The following TTC29 variants were observed in gnomAD, a reference collection of about 807,000 sequenced individuals.
The protein encoded by TTC29 is tetratricopeptide repeat domain 29.
In TTC29, 49 loss-of-function variants were observed where a neutral mutation model predicts 58.1. The observed-to-expected ratio is 0.84, with a 90% CI of 0.67 to 1.07. TTC29 has a LOEUF of 1.07. Among genes scored for constraint, TTC29 ranks in the 50% least tolerant of loss-of-function variants. TTC29 has a pLI of 0.00. For synonymous variants in TTC29, 209 were observed against 196.8 expected (o/e 1.06, Z -0.52); for missense variants, 582 against 555.6 (o/e 1.05, Z -0.48).
chr4:146,877,618 A>G (rs979959037), intron 6 of TTC29, among the ~76,000 whole-genome samples: 1 of 152,174 alleles, frequency 6.6e-6, no homozygotes, highest in Non-Finnish European at 1.5e-5. Context: ...TCTGTTAACT[A>G]TATTTCTGCC....
intron 11 of TTC29, among the ~76,000 whole-genome samples, chr4:146,723,003 T>A (rs1254367924): frequency 6.6e-6 from 1 of 152,016 alleles, no homozygotes; most frequent in East Asian, 1.9e-4. Flanking sequence ...TGGCCTGAAT[T>A]AAAGATTTAA....
At chr4:146,939,689 CA>C (rs1454529276) in intron 3 of TTC29, 114 bp downstream of exon 3, 1 of 936,674 alleles carries the variant, frequency 1.1e-6, no homozygotes, top group East Asian at 2.7e-5. Flanking sequence ...CTCAATATAA[CA>C]AGGCATTTTT....
intron 11 of TTC29, among the ~76,000 whole-genome samples, chr4:146,777,667 T>C (rs1748211988): frequency 6.6e-6 from 1 of 152,206 alleles, no homozygotes; most frequent in Non-Finnish European, 1.5e-5. Flanking sequence ...GCACTATAAC[T>C]TAAGTATATG....
chr4:146,859,966 A>G (rs1730121424), intron 8 of TTC29, among the ~76,000 whole-genome samples: 1 of 152,102 alleles, frequency 6.6e-6, no homozygotes, highest in Non-Finnish European at 1.5e-5. Context: ...TGAGCCATGG[A>G]GAACTCTGAG....
At chr4:146,812,718 AAATT>A (rs1262812056) in intron 10 of TTC29, 1 of 152,202 alleles carries the variant, frequency 6.6e-6, no homozygotes, top group African/African-American at 2.4e-5. Context: ...AAGAAATAAA[AAATT>A]AATTATTTTA....
At chr4:146,912,089 A>G (rs182609141) in intron 4 of TTC29, among the ~76,000 whole-genome samples, 1,720 of 151,492 alleles carry the variant, frequency 0.011, 25 homozygotes, top group Non-Finnish European at 0.017. Context: ...ACTAACACTA[A>G]CAATAGCTGA....
At chr4:146,777,227 C>T (rs1391845377) in intron 11 of TTC29, among the ~76,000 whole-genome samples, 2 of 152,130 alleles carry the variant, frequency 1.3e-5, no homozygotes, top group Non-Finnish European at 2.9e-5. Flanking sequence ...ACCGCAATTG[C>T]TTTTGCACCA....
chr4:146,821,958 A>G (rs1309935194), intron 9 of TTC29, among the ~76,000 whole-genome samples: 3 of 145,888 alleles, frequency 2.1e-5, no homozygotes, highest in Non-Finnish European at 4.5e-5. Context: ...ACATTCACTC[A>G]CCTATCCTCG....
intron 11 of TTC29, among the ~76,000 whole-genome samples, chr4:146,722,613 T>C (rs1477118199): frequency 3.3e-5 from 5 of 152,140 alleles, no homozygotes; most frequent in Non-Finnish European, 7.3e-5. Flanking sequence ...AATAGCTGGC[T>C]AGCCATATGC....
chr4:146,907,314 C>A (rs1052342270), intron 5 of TTC29, among the ~76,000 whole-genome samples: 43 of 152,076 alleles, frequency 2.8e-4, no homozygotes, highest in African/African-American at 8.0e-4. Context: ...CACCTTATGA[C>A]AAGTGACATA....
intron 6 of TTC29, among the ~76,000 whole-genome samples, chr4:146,881,014 T>G (rs778605777): frequency 1.3e-4 from 20 of 152,064 alleles, no homozygotes; most frequent in Non-Finnish European, 2.2e-4. Flanking sequence ...AAATCTAAAG[T>G]TTGCAACGCA....
chr4:146,853,819 C>A (rs1233855959), intron 8 of TTC29, among the ~76,000 whole-genome samples: 4 of 152,132 alleles, frequency 2.6e-5, no homozygotes, highest in African/African-American at 9.7e-5. Context: ...CTATTTTTCA[C>A]ATACAGAAAA....
chr4:146,866,514 A>G (rs1730573892), intron 8 of TTC29, among the ~76,000 whole-genome samples: 1 of 152,074 alleles, frequency 6.6e-6, no homozygotes, highest in African/African-American at 2.4e-5. Context: ...TCCTACTTTG[A>G]ATTGTGGTTA....
intron 6 of TTC29, 128 bp downstream of exon 6, chr4:146,903,416 A>G (rs1050512049): frequency 2.6e-6 from 2 of 783,404 alleles, no homozygotes; most frequent in African/African-American, 3.7e-5. Flanking sequence ...TTGCTTTTTG[A>G]TCTCAATAAT....
intron 4 of TTC29, among the ~76,000 whole-genome samples, chr4:146,935,329 A>G (rs1401512658): frequency 6.6e-6 from 1 of 152,206 alleles, no homozygotes; most frequent in African/African-American, 2.4e-5. Flanking sequence ...AAGCCAGTGT[A>G]CATCAATTGT....
intron 11 of TTC29, among the ~76,000 whole-genome samples, chr4:146,802,752 C>T (rs569492450): frequency 3.9e-5 from 6 of 152,218 alleles, no homozygotes; most frequent in African/African-American, 1.4e-4. Flanking sequence ...GTTTGATTTG[C>T]ACACAAATAA....
intron 11 of TTC29, among the ~76,000 whole-genome samples, chr4:146,733,143 C>A (rs914419438): frequency 1.3e-5 from 2 of 151,948 alleles, no homozygotes; most frequent in Non-Finnish European, 2.9e-5. Context: ...ATGTGGAGAA[C>A]CTTATGCATA....
chr4:146,819,527 C>T (rs531806836), intron 10 of TTC29, among the ~76,000 whole-genome samples: 5 of 152,164 alleles, frequency 3.3e-5, no homozygotes, highest in South Asian at 2.1e-4. Flanking sequence ...GGAGAAAATA[C>T]GACAAAAGTC....
At chr4:146,752,862 A>G (rs1002401672) in intron 11 of TTC29, among the ~76,000 whole-genome samples, 1 of 152,222 alleles carries the variant, frequency 6.6e-6, no homozygotes, top group Non-Finnish European at 1.5e-5. Flanking sequence ...TAGAAAGCCA[A>G]AACTGGATCC....
Sources: allele counts gnomAD v4.1 joint callset (sites outside exome capture counted in the v4.1 genomes callset), GRCh38; gene constraint gnomAD v4.1.1; transcripts MANE v1.5; gene names NCBI Gene and HGNC (gene_info 2026-07-23, HGNC 2026-07-21).